The following PRPF19 variants were observed in gnomAD, a reference collection of about 807,000 sequenced individuals.
PRPF19 encodes the protein pre-mRNA processing factor 19.
PRPF19 carries 2 observed loss-of-function variants against 64.2 expected under a neutral mutation model. The ratio of observed to expected loss-of-function variants is 0.03; its 90% confidence interval spans 0.01 to 0.10. The LOEUF (loss-of-function observed/expected upper bound fraction) is 0.10, where lower values mean the gene tolerates loss of function less well. Among genes scored for constraint, PRPF19 ranks in the 10% least tolerant of loss-of-function variants. PRPF19 has a pLI of 1.00. For synonymous variants in PRPF19, 226 were observed against 251.6 expected (o/e 0.90, Z 0.96); for missense variants, 314 against 650.0 (o/e 0.48, Z 5.62).
At chr11:60,900,552 G>T in intron 10 of PRPF19, 30 bp downstream of exon 10, 1 of 1,488,618 alleles carries the variant, frequency 6.7e-7, no homozygotes, top group Non-Finnish European at 9.2e-7. Context: ...AAGGAAAGAA[G>T]AACCAAGGGT....
intron 15 of PRPF19, among the ~76,000 whole-genome samples, chr11:60,893,541 G>A (rs1252160698): frequency 3.3e-5 from 5 of 150,806 alleles, no homozygotes; most frequent in Non-Finnish European, 5.9e-5. Context: ...GGTACAGTAC[G>A]TTACTGGTTT....
At chr11:60,899,996 TC>T (rs1440316273) in intron 10 of PRPF19, among the ~76,000 whole-genome samples, 3 of 152,210 alleles carry the variant, frequency 2.0e-5, no homozygotes, top group Admixed American at 6.5e-5. Flanking sequence ...TTCTTATATT[TC>T]TCATTTCCCT....
In PRPF19 at chr11:60,898,355, T is replaced by C. The variant is rs1855944447; in HGVS notation, c.1141-84A>G. Reference sequence around the variant, plus strand: ...GGGCTCACCAAACTCCTACCTGAGATGTCCCTCACGTCCTTCCAGGAAGGA... The same window carrying C: ...GGGCTCACCAAACTCCTACCTGAGACGTCCCTCACGTCCTTCCAGGAAGGA... On this transcript the variant is annotated intron_variant, in intron 13 of 15. Transcript: ENST00000227524. The surrounding 1 kb of genome is among the most constrained non-coding windows in gnomAD (Gnocchi z 4.6). The C allele has an allele frequency of 1.9e-6, 3 of 1,545,078 alleles. No homozygotes were observed. Among genetic ancestry groups the C allele is most frequent in the Non-Finnish European group, 2.6e-6 (3 of 1,140,952 alleles).
In PRPF19 at chr11:60,899,243, G is replaced by C. The variant is rs1450200515; in HGVS notation, c.890C>G (p.Ser297Cys). The change falls in exon 11 of 16, where the codon TCT (serine) becomes TGT (cysteine). Residue 297 changes from serine to cysteine, a missense_variant. Around this residue, in one of 7 missense-constraint regions of PRPF19, gnomAD observed 175 missense variants for 342.9 expected, o/e 0.51. Transcript: ENST00000227524. ...ATGGGCCCGAACCACCTGTACACAAGAGGCATTGGGGACCGACCAAATCCT... is the reference window on the plus strand; with the variant it reads ...ATGGGCCCGAACCACCTGTACACAACAGGCATTGGGGACCGACCAAATCCT... Reference protein sequence around the residue: ...TIRIWSVPNASCVQVVRAHES... With the variant: ...TIRIWSVPNACCVQVVRAHES... 2.5e-6 allele frequency: 4 copies of C among 1,614,006 alleles called. No homozygotes were observed. The highest frequency in any genetic ancestry group is 2.2e-5 in the East Asian group (1 of 44,888).
Position 60,903,744 on chromosome 11 carries a change from G to A in PRPF19, c.137C>T (p.Pro46Leu). The A allele has an allele frequency of 6.2e-7, 1 of 1,600,526 alleles. No homozygotes were observed. Among genetic ancestry groups the A allele is most frequent in the African/African-American group, 1.4e-5 (1 of 73,650 alleles). ...GTCGATGAGCTGCTCCTCGGAGAGA[G>A]GCTGGTTGTTGATGGGGTCGGTACC... ...ENGTDPINNQ[P>L]LSEEQLIDIK... Residue 46 changes from proline (P) to leucine (L), a missense_variant, in exon 2 of 16, where the codon CCT becomes CTT. Pro to Leu is a moderately conservative substitution (Grantham distance 98). Transcript: ENST00000227524.
chr11:60,901,521 A>G lies in PRPF19; in HGVS notation c.545T>C (p.Val182Ala). ...CACCTTCTTGCGCTCCGTGGTTAGC[A>G]CAGTGGCTTTGTCTTGAAGCTGGGG... is the stretch of plus-strand genomic sequence containing the variant. ...IIQKLQDKAT[V>A]LTTERKKRGK... The change falls in exon 7 of 16, where the codon GTG becomes GCG. Residue 182 changes from valine (V) to alanine (A), a missense_variant. Val to Ala is a moderately conservative substitution (Grantham distance 64, BLOSUM62 0). Coordinates refer to ENST00000227524, the MANE Select transcript of PRPF19 (RefSeq NM_014502.5). The G allele has an allele frequency of 6.2e-7, 1 of 1,614,202 alleles. No individual in the cohort carries two copies. The highest frequency in any genetic ancestry group is 1.3e-5 in the African/African-American group (1 of 75,062).
chr11:60,903,014 G>T (rs777500779), intron 3 of PRPF19, 133 bp from the exon 4 acceptor site: 1 of 1,406,524 alleles, frequency 7.1e-7, no homozygotes, highest in Admixed American at 2.3e-5. Context: ...AACAATATCC[G>T]AGCAAACACG....
At chr11:60,897,318 G>A (rs1356172057) in intron 15 of PRPF19, among the ~76,000 whole-genome samples, 1 of 152,150 alleles carries the variant, frequency 6.6e-6, no homozygotes, top group Non-Finnish European at 1.5e-5. Flanking sequence ...ACTATACTAA[G>A]GTTATAGCAA....
chr11:60,903,938 C>T, intron 1 of PRPF19, 77 bp from the exon 2 acceptor site: 1 of 1,531,104 alleles, frequency 6.5e-7, no homozygotes, highest in South Asian at 1.2e-5. Context: ...TGCTATTAGC[C>T]CCAACAAGAC....
chr11:60,894,750 T>C (rs1477845205), intron 15 of PRPF19, among the ~76,000 whole-genome samples: 1 of 152,248 alleles, frequency 6.6e-6, no homozygotes, highest in Admixed American at 6.5e-5. Flanking sequence ...AGGGCAGCTA[T>C]AGCTTTATAA....
In PRPF19 at chr11:60,893,503, CA is replaced by C. The variant is rs59906637; in HGVS notation, c.1418-2241del. The stretch of plus-strand genomic sequence containing the variant: ...TGGGTGACAGAGCAAGACTCAATCT[CA>C]AAAAAAAAAAAAGTATAACATAATT... On this transcript the variant is annotated intron_variant, in intron 15 of 15. Transcript: ENST00000227524. Among the ~76,000 whole-genome samples the C allele has an allele frequency of 4.6e-3, 652 of 140,956 alleles. 9 individuals carry two copies. The highest frequency in any genetic ancestry group is 3.0e-3 in the Non-Finnish European group (194 of 64,902). 92.5% of individuals were successfully genotyped at this position (140,956 alleles called of 152,430 possible). A position where few individuals can be genotyped will look rare whatever the true frequency, so the allele number is the denominator to read the frequency against.
In PRPF19 at chr11:60,890,998, C is replaced by T. The variant is rs1855850596; in HGVS notation, c.*168G>A. ...CTGGAGTTGCATGGATGAGGGTGGT[C>T]CATGCCACCATGGTTCTCAGGCCAC... On this transcript the variant is annotated 3_prime_UTR_variant, in exon 16 of 16. Transcript: ENST00000227524. 1.6e-6 allele frequency: 1 copy of T among 632,102 alleles called. No homozygotes were observed. The highest frequency in any genetic ancestry group is 2.8e-6 in the Non-Finnish European group (1 of 354,350). 39.2% of individuals were successfully genotyped at this position (632,102 alleles called of 1,614,324 possible).
rs144450563 is a variant in PRPF19 at position 60,900,798 on chromosome 11, G to A, written c.718+56C>T. ...CCCATGAAGAGGACAAGGAGCATGC[G>A]CCTTCCCTGCTGCCCCTCCCCACTT... On this transcript the variant is annotated intron_variant, in intron 9 of 15. Coordinates refer to ENST00000227524, the MANE Select transcript of PRPF19 (RefSeq NM_014502.5). The A allele has an allele frequency of 7.0e-4, 1,125 of 1,602,182 alleles. 11 individuals are homozygous for A. The African/African-American group carries it at 0.01, about 14-fold the overall frequency.
At chr11:60,892,013 G>A (rs1855866156) in intron 15 of PRPF19, among the ~76,000 whole-genome samples, 1 of 152,170 alleles carries the variant, frequency 6.6e-6, no homozygotes, top group Non-Finnish European at 1.5e-5. Flanking sequence ...ACACACAGCA[G>A]TAGCTCCCAT....
intron 15 of PRPF19, among the ~76,000 whole-genome samples, chr11:60,891,593 G>A (rs542063686): frequency 4.6e-5 from 7 of 152,278 alleles, no homozygotes; most frequent in African/African-American, 1.2e-4. Flanking sequence ...CTACTTGCTC[G>A]TAAGTGGAAC....
chr11:60,898,690 A>C lies in PRPF19; in HGVS notation c.1055-64T>G. On this transcript the variant is annotated intron_variant, in intron 12 of 15. Coordinates refer to ENST00000227524, the MANE Select transcript of PRPF19 (RefSeq NM_014502.5). This position sits in a 1 kb window ranked among gnomAD's most constrained non-coding sequence, Gnocchi z 4.6. ...CCAGGGAGAGAGACTAAGAGCAGCA[A>C]AGGTAGGTTCCTTGTTCTTCACATT... The C allele has an allele frequency of 6.2e-7, 1 of 1,610,870 alleles. No individual in the cohort carries two copies. Among genetic ancestry groups the C allele is most frequent in the African/African-American group, 1.3e-5 (1 of 74,950 alleles).
At chr11:60,891,820 C>T (rs1184635119) in intron 15 of PRPF19, among the ~76,000 whole-genome samples, 2 of 152,208 alleles carry the variant, frequency 1.3e-5, no homozygotes, top group Admixed American at 6.5e-5. Context: ...TTTTCAGCTA[C>T]CTAACTCGGT....
chr11:60,901,649 T>C, intron 6 of PRPF19, 109 bp from the exon 7 acceptor site: 1 of 1,266,440 alleles, frequency 7.9e-7, no homozygotes, highest in Non-Finnish European at 1.1e-6. Context: ...ACTTGCTATC[T>C]GCCAACTTCT....
At chr11:60,904,027 C>T (rs1253824240) in intron 1 of PRPF19, among the ~76,000 whole-genome samples, 166 bp from the exon 2 acceptor site, 2 of 152,200 alleles carry the variant, frequency 1.3e-5, no homozygotes, top group African/African-American at 4.8e-5. Context: ...AGAATGCTTT[C>T]CAGCTATGGA....
Sources: allele counts gnomAD v4.1 joint callset (sites outside exome capture counted in the v4.1 genomes callset), GRCh38; gene constraint gnomAD v4.1.1; regional missense constraint gnomAD v4.1.1; non-coding constraint Gnocchi (gnomAD v3.1); transcripts MANE v1.5; gene names NCBI Gene and HGNC (gene_info 2026-07-23, HGNC 2026-07-21).